Variants in PLCD4 observed in about 807,000 individuals in gnomAD.
PLCD4 encodes the protein phospholipase C delta 4.
Under a neutral mutation model 90.2 loss-of-function variants are expected in PLCD4, and 63 were observed. The ratio of observed to expected loss-of-function variants is 0.70; its 90% CI spans 0.57 to 0.86. The LOEUF (loss-of-function observed/expected upper bound fraction) is 0.86. Ranked by LOEUF, PLCD4 falls within the 40% of genes least tolerant of loss-of-function variation. The pLI, the probability that PLCD4 is intolerant of heterozygous loss-of-function variation, is 0.00. For missense variants in PLCD4, 830 were observed against 956.3 expected (o/e 0.87, Z 1.74); for synonymous variants, 294 against 356.5 (o/e 0.82, Z 1.97).
intron 13 of PLCD4, 112 bp from the exon 14 acceptor site, chr2:218,635,684 C>A: frequency 1.5e-6 from 2 of 1,372,452 alleles, no homozygotes; most frequent in Non-Finnish European, 9.8e-7. Flanking sequence ...ATATATTACC[C>A]ATGGAGGATG....
Position 218,634,192 on chromosome 2 carries a change from A to T in PLCD4, c.1694A>T (p.Gln565Leu). Residue 565 changes from glutamine to leucine, a missense_variant, in exon 12 of 16, where the codon CAG (glutamine) becomes CTG (leucine). Coordinates refer to ENST00000450993, the MANE Select transcript of PLCD4 (RefSeq NM_032726.4). The surrounding 1 kb of genome is among the most constrained non-coding windows in gnomAD (Gnocchi z 4.0). ...LRTDSSNYNPQELWNAGCQMV... is the reference protein window; with the variant it reads ...LRTDSSNYNPLELWNAGCQMV... ...ACAGACTCTTCCAACTACAACCCCC[A>T]GGAACTCTGGAATGCAGGCTGCCAG... 1 of 1,611,894 alleles carries T rather than the reference A, an allele frequency of 6.2e-7. No individual in the cohort carries two copies. The highest frequency in any genetic ancestry group is 8.5e-7 in the Non-Finnish European group (1 of 1,178,996).
Position 218,634,665 on chromosome 2 carries a change from G to C in PLCD4, c.1896+35G>C. On this transcript the variant is annotated intron_variant, in intron 13 of 15. Coordinates refer to ENST00000450993, the MANE Select transcript of PLCD4 (RefSeq NM_032726.4). The surrounding 1 kb of genome is among the most constrained non-coding windows in gnomAD (Gnocchi z 4.0). Reference sequence around the variant, plus strand: ...AAATAAACTGTTGGGAAGAAACTGAGATAACTGGGATAGAAGTGAGGGAAG... The same window carrying C: ...AAATAAACTGTTGGGAAGAAACTGACATAACTGGGATAGAAGTGAGGGAAG... The C allele has an allele frequency of 1.9e-6, 3 of 1,603,918 alleles. No individual in the cohort carries two copies. The highest frequency in any genetic ancestry group is 1.7e-6 in the Non-Finnish European group (2 of 1,173,000).
At chr2:218,627,665 AC>A (rs1696176910) in intron 6 of PLCD4, among the ~76,000 whole-genome samples, 3 of 151,432 alleles carry the variant, frequency 2.0e-5, no homozygotes, top group Admixed American at 2.0e-4. Context: ...GGCGCCCACC[AC>A]CGTGCCCGGC....
chr2:218,612,670 G>A (rs1350384832), intron 1 of PLCD4, among the ~76,000 whole-genome samples: 1 of 152,214 alleles, frequency 6.6e-6, no homozygotes, highest in Non-Finnish European at 1.5e-5. Context: ...TACTCAGGAG[G>A]CTGAGGCAGG....
At chr2:218,626,034 G>A (rs1696101716) in intron 6 of PLCD4, among the ~76,000 whole-genome samples, 1 of 150,550 alleles carries the variant, frequency 6.6e-6, no homozygotes, top group Non-Finnish European at 1.5e-5. Context: ...CAGGAGGACT[G>A]CTTGAGTTCA....
At chr2:218,632,359 C>G in intron 10 of PLCD4, 47 bp downstream of exon 10, 8 of 1,539,514 alleles carry the variant, frequency 5.2e-6, no homozygotes, top group Non-Finnish European at 7.0e-6. Context: ...TCAACTTATG[C>G]AAGCTGAAGG....
At chr2:218,611,180 C>A (rs1160470306) in intron 1 of PLCD4, among the ~76,000 whole-genome samples, 1 of 152,090 alleles carries the variant, frequency 6.6e-6, no homozygotes, top group African/African-American at 2.4e-5. Flanking sequence ...TTGAAACTGG[C>A]CCTCTTATGA....
chr2:218,636,973 T>C lies in PLCD4; in HGVS notation c.*396T>C. The C allele has an allele frequency of 2.2e-6, 1 of 452,652 alleles. No homozygotes were observed. The highest frequency in any genetic ancestry group is 1.6e-5 in the South Asian group (1 of 63,662). 28.0% of individuals were successfully genotyped at this position (452,652 alleles called of 1,614,324 possible). On this transcript the variant is annotated 3_prime_UTR_variant, in exon 16 of 16. Coordinates refer to ENST00000450993, the MANE Select transcript of PLCD4 (RefSeq NM_032726.4). ...AATAGAGAAACCTAAAGAAGCATCATCCCCTCCATCCCCAACTTCCTCAAA... is the reference window on the plus strand; with the variant it reads ...AATAGAGAAACCTAAAGAAGCATCACCCCCTCCATCCCCAACTTCCTCAAA...
Position 218,636,753 on chromosome 2 carries a change from TTTTTCTC to T in PLCD4, c.*183_*189del. ...CAATCTGGGACCTGATTTTCCACCTTTTTTCTCTTTTCTTCCCTTCCTTTGTTTTCAT... is the reference window on the plus strand; with the variant it reads ...CAATCTGGGACCTGATTTTCCACCTTTTTTCTTCCCTTCCTTTGTTTTCAT... On this transcript the variant is annotated 3_prime_UTR_variant, in exon 16 of 16. Coordinates refer to ENST00000450993, the MANE Select transcript of PLCD4 (RefSeq NM_032726.4). The T allele has an allele frequency of 1.4e-6, 1 of 708,164 alleles. No homozygotes were observed. Among genetic ancestry groups the T allele is most frequent in the Non-Finnish European group, 2.4e-6 (1 of 413,900 alleles). 43.9% of individuals were successfully genotyped at this position (708,164 alleles called of 1,614,324 possible).
chr2:218,630,223 AT>A (rs1439695051), intron 8 of PLCD4, among the ~76,000 whole-genome samples: 3 of 152,226 alleles, frequency 2.0e-5, no homozygotes, highest in Admixed American at 6.5e-5. Context: ...AACAAGTTCT[AT>A]CACCCTTCTG....
intron 10 of PLCD4, 143 bp downstream of exon 10, chr2:218,632,455 T>C (rs1337056613): frequency 1.3e-6 from 1 of 783,098 alleles, no homozygotes; most frequent in Non-Finnish European, 1.9e-6. Flanking sequence ...TAAGACCGCA[T>C]ACATGGCATC....
In PLCD4 at chr2:218,632,227, A is replaced by G. The variant is rs1559275969; in HGVS notation, c.1364A>G (p.Glu455Gly). The change falls in exon 10 of 16, where the codon GAA becomes GGA. Residue 455 changes from glutamate (E) to glycine (G), a missense_variant. Transcript: ENST00000450993. The part of the protein sequence containing the change: ...YEEEEAEPEL[E>G]ESELALESQF... The stretch of plus-strand genomic sequence containing the variant: ...GAAGAGGAAGCAGAACCTGAGTTGG[A>G]AGAGTCAGAATTGGCGCTGGAGTCC... 1.2e-6 allele frequency: 2 copies of G among 1,611,644 alleles called. No individual in the cohort carries two copies. The highest frequency in any genetic ancestry group is 4.5e-5 in the East Asian group (2 of 44,850).
intron 6 of PLCD4, among the ~76,000 whole-genome samples, chr2:218,626,390 T>C (rs1696122236): frequency 6.6e-6 from 1 of 152,148 alleles, no homozygotes. Flanking sequence ...CGAGCCTCCT[T>C]GTAGCAACAT....
At chr2:218,625,093 C>T (rs1250065173) in intron 6 of PLCD4, among the ~76,000 whole-genome samples, 7 of 121,560 alleles carry the variant, frequency 5.8e-5, no homozygotes, top group African/African-American at 2.3e-4. Flanking sequence ...CCAGCCTGGG[C>T]GACAGACCAA....
In PLCD4 at chr2:218,636,273, G is replaced by A. The variant is rs767999714; in HGVS notation, c.2063G>A (p.Cys688Tyr). ...GFNPYWGQTL[C>Y]FRVLVPELAM... ...AATCCATACTGGGGGCAGACACTAT[G>A]TTTCCGGGTGCTGGTGCCTGAACTT... Residue 688 changes from cysteine to tyrosine, a missense_variant, in exon 15 of 16, where the codon TGT becomes TAT. Cys to Tyr is a radical substitution (Grantham distance 194, BLOSUM62 -2). Transcript: ENST00000450993. 1.1e-5 allele frequency: 17 copies of A among 1,613,916 alleles called. No individual in the cohort carries two copies. The Admixed American group carries it at 1.5e-4, about 14-fold the overall frequency.
intron 6 of PLCD4, among the ~76,000 whole-genome samples, chr2:218,625,504 C>G (rs1437135593): frequency 6.6e-6 from 1 of 152,202 alleles, no homozygotes; most frequent in Non-Finnish European, 1.5e-5. Context: ...TTCTTATTAA[C>G]TGATAACTGT....
chr2:218,618,988 A>G, intron 4 of PLCD4, 181 bp downstream of exon 4: 1 of 606,694 alleles, frequency 1.6e-6, no homozygotes. Flanking sequence ...GGAGGAATGG[A>G]TGCCAAGGAT....
In PLCD4 at chr2:218,636,360, A is replaced by G. The variant is rs1696748014; in HGVS notation, c.2150A>G (p.Gln717Arg). 2 of 1,614,030 alleles carry G rather than the reference A, an allele frequency of 1.2e-6. No homozygotes were observed. The highest frequency in any genetic ancestry group is 1.7e-6 in the Non-Finnish European group (2 of 1,179,892). The change falls in exon 15 of 16, where the codon CAG becomes CGG. Residue 717 changes from glutamine (Q) to arginine (R), a missense_variant. Gln to Arg is a conservative substitution (Grantham distance 43). Coordinates refer to ENST00000450993, the MANE Select transcript of PLCD4 (RefSeq NM_032726.4). ...DWKSRNDFIG[Q>R]YTLPWTCMQQ... is the part of the protein sequence containing the mutation. ...AAATCCCGAAATGACTTTATTGGTCAGTACACCCTGCCTTGGACCTGCATG... is the reference window on the plus strand; with the variant it reads ...AAATCCCGAAATGACTTTATTGGTCGGTACACCCTGCCTTGGACCTGCATG...
At position 218,637,066 on chromosome 2, in the gene PLCD4, T is replaced by G; in HGVS notation, c.*489T>G. 2.6e-6 allele frequency: 1 copy of G among 389,474 alleles called. No homozygotes were observed. 24.1% of individuals were successfully genotyped at this position (389,474 alleles called of 1,614,324 possible). The stretch of plus-strand genomic sequence containing the variant: ...CCAGCAAAGATTAGGGAAAGAGACT[T>G]GACCCCAGGACTGTACTACGACTCT... On this transcript the variant is annotated 3_prime_UTR_variant, in exon 16 of 16. Transcript: ENST00000450993.
Sources: gnomAD v4.1 joint callset for allele counts (sites outside exome capture counted in the v4.1 genomes callset) on GRCh38, gnomAD v4.1.1 for gene constraint, Gnocchi (gnomAD v3.1) non-coding constraint, MANE v1.5 for transcripts, NCBI Gene and HGNC (gene_info 2026-07-23, HGNC 2026-07-21) for gene names.